The following RAP1GAP2 variants were observed in gnomAD, a reference collection of about 807,000 sequenced individuals.
RAP1GAP2 encodes the protein RAP1 GTPase activating protein 2.
RAP1GAP2 carries 27 observed loss-of-function variants against 95.0 expected under a neutral mutation model. The ratio of observed to expected loss-of-function variants is 0.28; its 90% CI spans 0.21 to 0.39. RAP1GAP2 has a LOEUF of 0.39. RAP1GAP2 is among the 10% of genes least tolerant of loss of function. RAP1GAP2 has a pLI of 1.00. For missense variants in RAP1GAP2, 771 were observed against 970.0 expected (o/e 0.79, Z 2.72); for synonymous variants, 373 against 380.9 (o/e 0.98, Z 0.24).
intron 8 of RAP1GAP2, among the ~76,000 whole-genome samples, chr17:2,972,598 CA>C (rs35539479): frequency 0.12 from 10,064 of 85,042 alleles, 161 homozygotes; most frequent in South Asian, 0.26. Flanking sequence ...AAGTCCTTCT[CA>C]AAAAAAAAAA....
chr17:2,945,097 G>T (rs2043655638), intron 3 of RAP1GAP2, among the ~76,000 whole-genome samples: 1 of 152,006 alleles, frequency 6.6e-6, no homozygotes, highest in African/African-American at 2.4e-5. Context: ...GGATGGCCTC[G>T]ATCTCCTGAC....
At chr17:2,927,805 A>G (rs2043017917) in intron 3 of RAP1GAP2, among the ~76,000 whole-genome samples, 1 of 152,228 alleles carries the variant, frequency 6.6e-6, no homozygotes, top group African/African-American at 2.4e-5. Context: ...GGCCCACCGC[A>G]TAGCGGGCCT....
At position 3,037,364 on chromosome 17, in the gene RAP1GAP2, A is replaced by ATCCCCCCCCCCCCCC. The variant is rs776881618; in HGVS notation, c.*4003_*4004insTCCCCCCCCCCCCCC. 1 of 29,686 alleles carries ATCCCCCCCCCCCCCC rather than the reference A, an allele frequency of 3.4e-5. No homozygotes were observed. Among genetic ancestry groups the ATCCCCCCCCCCCCCC allele is most frequent in the Non-Finnish European group, 9.8e-5 (1 of 10,174 alleles). The allele number at this position is 29,686 out of a possible 1,614,324, so 1.8% of individuals were successfully genotyped here. On this transcript the variant is annotated 3_prime_UTR_variant, in exon 25 of 25. Transcript: ENST00000254695. ...ACATTTCTGCTTGGAAGTGTGAACTACCCCCCCCCCCCCGCTTCCTGCTCC... is the reference window on the plus strand; with the variant it reads ...ACATTTCTGCTTGGAAGTGTGAACTATCCCCCCCCCCCCCCCCCCCCCCCCCCCGCTTCCTGCTCC...
chr17:2,778,836 A>G (rs2068570476), intron 1 of RAP1GAP2, among the ~76,000 whole-genome samples: 1 of 152,140 alleles, frequency 6.6e-6, no homozygotes, highest in Non-Finnish European at 1.5e-5. Context: ...GGGAAGCAAC[A>G]ATTTGATTAT....
In RAP1GAP2 at chr17:2,904,703, G is replaced by A. The variant is rs1221812702; in HGVS notation, c.81-581G>A. Among the ~76,000 whole-genome samples, 4 of 152,102 alleles carry A rather than the reference G, an allele frequency of 2.6e-5. No homozygotes were observed. The East Asian group carries it at 5.8e-4, about 22-fold the overall frequency. On this transcript the variant is annotated intron_variant, in intron 2 of 24. Coordinates refer to ENST00000254695, the MANE Select transcript of RAP1GAP2 (RefSeq NM_015085.5). The surrounding 1 kb of genome is among the most constrained non-coding windows in gnomAD (Gnocchi z 4.7). ...TGTAGCAGAATGACCTGGAGAGCTC[G>A]TTGGAGCGCAGGTTCCTGGGCTCAT...
intron 2 of RAP1GAP2, among the ~76,000 whole-genome samples, chr17:2,864,100 G>A (rs1343418704): frequency 6.7e-6 from 1 of 148,778 alleles, no homozygotes; most frequent in Non-Finnish European, 1.5e-5. Flanking sequence ...GTTCCTCACC[G>A]TCTTGTCCCG....
At chr17:2,788,574 T>A (rs1421847868) in intron 1 of RAP1GAP2, among the ~76,000 whole-genome samples, 2 of 152,074 alleles carry the variant, frequency 1.3e-5, no homozygotes, top group African/African-American at 4.8e-5. Flanking sequence ...CTGGGATTAC[T>A]GAGCCCCAGC....
rs537126167 is a variant in RAP1GAP2, at chr17:3,006,120, C to CTTT, written c.1359+101_1359+103dup. 582 of 409,076 alleles carry CTTT rather than the reference C, an allele frequency of 1.4e-3. 4 individuals carry two copies. The highest frequency in any genetic ancestry group is 5.8e-3 in the East Asian group (69 of 11,902). The allele number at this position is 409,076 out of a possible 1,614,324, so 25.3% of individuals were successfully genotyped here. A position where few individuals can be genotyped will look rare whatever the true frequency, so the allele number is the denominator to read the frequency against. On this transcript the variant is annotated intron_variant, in intron 16 of 24. Transcript: ENST00000254695. ...CCAGCCTCATCCAGGGCTCCTCCAT[C>CTTT]TTTTTTTTTTTTTTTTTTTTTTTTG...
At chr17:2,876,087 GC>G (rs2073086193) in intron 2 of RAP1GAP2, among the ~76,000 whole-genome samples, 1 of 151,474 alleles carries the variant, frequency 6.6e-6, no homozygotes, top group South Asian at 2.1e-4. Context: ...ACAGGCACCC[GC>G]CCCCACGCCC....
chr17:2,999,156 G>A (rs1296562713), intron 14 of RAP1GAP2, among the ~76,000 whole-genome samples: 1 of 152,182 alleles, frequency 6.6e-6, no homozygotes, highest in African/African-American at 2.4e-5. Context: ...AGCGAGACAG[G>A]GCAGCTCATT....
intron 2 of RAP1GAP2, among the ~76,000 whole-genome samples, chr17:2,893,277 G>T (rs533835571): frequency 1.3e-5 from 2 of 152,246 alleles, no homozygotes; most frequent in African/African-American, 2.4e-5. Context: ...CTGACCTCAG[G>T]TGATCTGCCT....
At chr17:2,951,263 C>T (rs572876720) in intron 3 of RAP1GAP2, among the ~76,000 whole-genome samples, 1 of 152,240 alleles carries the variant, frequency 6.6e-6, no homozygotes, top group Non-Finnish European at 1.5e-5. Context: ...TTTGCCCATT[C>T]AGTTCCTGCT....
In RAP1GAP2 at chr17:3,008,860, G is replaced by A. The variant is rs1051260114; in HGVS notation, c.1494+715G>A. Among the ~76,000 whole-genome samples the A allele has an allele frequency of 3.3e-5, 5 of 152,176 alleles. No individual in the cohort carries two copies. The highest frequency in any genetic ancestry group is 2.1e-4 in the South Asian group (1 of 4,820). The stretch of plus-strand genomic sequence containing the variant: ...CTGGCTGTCAGCCTGTGCAGGTGGC[G>A]GAACGGGTCTTGTTATATTCACGAA... On this transcript the variant is annotated intron_variant, in intron 17 of 24. Transcript: ENST00000254695. This position sits in a 1 kb window ranked among gnomAD's most constrained non-coding sequence, Gnocchi z 4.2.
intron 3 of RAP1GAP2, among the ~76,000 whole-genome samples, chr17:2,927,444 C>T (rs12946551): frequency 0.11 from 16,636 of 152,260 alleles, 1,066 homozygotes; most frequent in Non-Finnish European, 0.15. Context: ...TGAGCCACCG[C>T]GCCCGGCTGA....
At chr17:2,962,545 C>A in intron 4 of RAP1GAP2, 125 bp from the exon 5 acceptor site, 1 of 1,057,596 alleles carries the variant, frequency 9.5e-7, no homozygotes, top group Non-Finnish European at 1.4e-6. Context: ...TGTGTGCAGG[C>A]CCAGCACGGG....
chr17:2,940,976 A>G (rs1597669963), intron 3 of RAP1GAP2, among the ~76,000 whole-genome samples: 1 of 152,278 alleles, frequency 6.6e-6, no homozygotes, highest in East Asian at 1.9e-4. Flanking sequence ...GGGCTCCAGG[A>G]TGCTGTGGGG....
At chr17:2,849,163 T>A (rs754287611) in intron 2 of RAP1GAP2, among the ~76,000 whole-genome samples, 1 of 152,146 alleles carries the variant, frequency 6.6e-6, no homozygotes, top group African/African-American at 2.4e-5. Flanking sequence ...TCCCAAAGGT[T>A]GTGTGGTCCA....
exon 2 of RAP1GAP2, chr17:2,770,424 C>T: frequency 2.5e-6 from 1 of 398,728 alleles, no homozygotes; most frequent in Non-Finnish European, 4.4e-6. Flanking sequence ...CTCAGCCGGG[C>T]TGACCTCGAG....
intron 2 of RAP1GAP2, among the ~76,000 whole-genome samples, chr17:2,832,168 C>A (rs1274437814): frequency 1.6e-5 from 2 of 128,328 alleles, no homozygotes; most frequent in South Asian, 2.5e-4. Context: ...CACGCCATTG[C>A]ATTCCAGTCT....
Sources: allele counts gnomAD v4.1 joint callset (sites outside exome capture counted in the v4.1 genomes callset), GRCh38; gene constraint gnomAD v4.1.1; non-coding constraint Gnocchi (gnomAD v3.1); transcripts MANE v1.5; gene names NCBI Gene and HGNC (gene_info 2026-07-23, HGNC 2026-07-21).